The following RAB4A variants were observed in gnomAD, a reference collection of about 807,000 sequenced individuals.
RAB4A encodes RAB4A, member RAS oncogene family, also known as ras-related protein Rab-4A.
In RAB4A, 20 loss-of-function variants were observed where a neutral mutation model predicts 34.5. The observed-to-expected ratio is 0.58, with a 90% CI of 0.41 to 0.84. The LOEUF is 0.84. RAB4A is among the 40% of genes least tolerant of loss of function. The pLI, the probability that RAB4A is intolerant of heterozygous loss-of-function variation, is 0.00. For synonymous variants in RAB4A, 102 were observed against 100.0 expected, an observed-to-expected ratio of 1.02 and a Z score of -0.12; for missense variants, 228 against 274.5, an observed-to-expected ratio of 0.83 and a Z score of 1.20.
intron 6 of RAB4A, among the ~76,000 whole-genome samples, chr1:229,300,730 T>C (rs1276987049): frequency 2.0e-5 from 3 of 151,964 alleles, no homozygotes; most frequent in Non-Finnish European, 4.4e-5. Context: ...TCTAGTAAGC[T>C]TGGGGAAGAG....
rs1417315392 is a variant in RAB4A, at chr1:229,299,044, A to G, written c.513A>G (p.Ala171=). ...ENVEEAFVQC[A]RKILNKIESG... Reference sequence around the variant, plus strand: ...TAGAAGAGGCTTTTGTACAGTGTGCAAGAAAAATACTTAACAAAATCGAAT... The same window carrying G: ...TAGAAGAGGCTTTTGTACAGTGTGCGAGAAAAATACTTAACAAAATCGAAT... Residue 171 remains alanine, a synonymous_variant, in exon 6 of 8, where the codon GCA becomes GCG. Transcript: ENST00000366690. 3 of 1,606,742 alleles carry G rather than the reference A, an allele frequency of 1.9e-6. No homozygotes were observed.
chr1:229,303,060 A>T (rs1297778894), intron 7 of RAB4A, 71 bp downstream of exon 7: 47 of 1,122,422 alleles, frequency 4.2e-5, no homozygotes, highest in Non-Finnish European at 5.6e-5. Flanking sequence ...AAGCTTTGGG[A>T]AGCTGCAGTA....
chr1:229,276,864 C>T (rs1236419296), intron 1 of RAB4A, among the ~76,000 whole-genome samples: 1 of 150,880 alleles, frequency 6.6e-6, no homozygotes, highest in East Asian at 1.9e-4. Flanking sequence ...GCTTGCCACA[C>T]AGCATCTGCA....
chr1:229,271,295 G>A lies in RAB4A; in HGVS notation c.-45G>A, dbSNP rs1656462191. The A allele has an allele frequency of 1.5e-6, 2 of 1,332,426 alleles. No homozygotes were observed. The highest frequency in any genetic ancestry group is 1.9e-6 in the Non-Finnish European group (2 of 1,040,140). The allele number at this position is 1,332,426 out of a possible 1,614,324, so 82.5% of individuals were successfully genotyped here. On this transcript the variant is annotated 5_prime_UTR_variant, in exon 1 of 8. Transcript: ENST00000366690. ...ACCGAGACGCGCCGGCGGACCGCGGGCGAGTGCAGCCGGTGACCCGGCGAG... is the reference window on the plus strand; with the variant it reads ...ACCGAGACGCGCCGGCGGACCGCGGACGAGTGCAGCCGGTGACCCGGCGAG...
intron 1 of RAB4A, among the ~76,000 whole-genome samples, chr1:229,282,831 T>G (rs992862567): frequency 2.0e-5 from 3 of 152,218 alleles, no homozygotes; most frequent in African/African-American, 7.2e-5. Context: ...TTGCTGATGA[T>G]TTCTAATTTT....
intron 3 of RAB4A, among the ~76,000 whole-genome samples, chr1:229,290,855 T>C (rs1406492560): frequency 2.6e-5 from 4 of 152,194 alleles, no homozygotes; most frequent in African/African-American, 7.2e-5. Flanking sequence ...GCAATGACTA[T>C]TAGGAGTTCC....
intron 1 of RAB4A, among the ~76,000 whole-genome samples, chr1:229,280,872 C>G (rs1368805713): frequency 6.6e-6 from 1 of 152,200 alleles, no homozygotes; most frequent in African/African-American, 2.4e-5. Flanking sequence ...TAAATGGAAT[C>G]TTGCAGTTGC....
Position 229,288,722 on chromosome 1 carries a change from T to C in RAB4A, c.113-7T>C, listed in dbSNP as rs1438905339. ...TTAAATATGCTGTTCTTGTTTTTCTTTTTTAGTCAAAGATGACTCAAATCA... is the reference window on the plus strand; with the variant it reads ...TTAAATATGCTGTTCTTGTTTTTCTCTTTTAGTCAAAGATGACTCAAATCA... On this transcript the variant is annotated splice_polypyrimidine_tract_variant and splice_region_variant and intron_variant, in intron 2 of 7. Coordinates refer to ENST00000366690, the MANE Select transcript of RAB4A (RefSeq NM_004578.4). 3.5e-6 allele frequency: 5 copies of C among 1,420,798 alleles called. No individual in the cohort carries two copies. Among genetic ancestry groups the C allele is most frequent in the Non-Finnish European group, 4.9e-6 (5 of 1,020,510 alleles). The allele number at this position is 1,420,798 out of a possible 1,614,324, so 88.0% of individuals were successfully genotyped here. A position where few individuals can be genotyped will look rare whatever the true frequency, so the allele number is the denominator to read the frequency against.
intron 3 of RAB4A, among the ~76,000 whole-genome samples, chr1:229,292,583 G>A (rs1202818276): frequency 6.6e-6 from 1 of 152,136 alleles, no homozygotes; most frequent in African/African-American, 2.4e-5. Context: ...TGTGCCTCTT[G>A]CTAACAGTCT....
In RAB4A at chr1:229,304,640, G is replaced by A. The variant is rs1012145861; in HGVS notation, c.*847G>A. 2 of 152,238 alleles carry A rather than the reference G, an allele frequency of 1.3e-5. No homozygotes were observed. The highest frequency in any genetic ancestry group is 4.8e-5 in the African/African-American group (2 of 41,460). The allele number at this position is 152,238 out of a possible 1,614,324, so 9.4% of individuals were successfully genotyped here. On this transcript the variant is annotated 3_prime_UTR_variant, in exon 8 of 8. Coordinates refer to ENST00000366690, the MANE Select transcript of RAB4A (RefSeq NM_004578.4). ...TTCCAGTTTGCTGGTCTCCCTGCTA[G>A]AAAACACATTGTACTGTGCTTTTTC...
intron 3 of RAB4A, among the ~76,000 whole-genome samples, chr1:229,293,507 C>T (rs61222840): frequency 0.016 from 2,379 of 152,308 alleles, 63 homozygotes; most frequent in African/African-American, 0.053. Context: ...GGCCTCTGTG[C>T]CAGGAACCTG....
intron 1 of RAB4A, among the ~76,000 whole-genome samples, chr1:229,276,971 A>G (rs917763877): frequency 6.8e-6 from 1 of 147,834 alleles, no homozygotes; most frequent in Non-Finnish European, 1.5e-5. Flanking sequence ...TCCACTTTAG[A>G]AGAACTATAT....
chr1:229,290,754 A>G (rs1248860229), intron 3 of RAB4A, among the ~76,000 whole-genome samples: 1 of 152,230 alleles, frequency 6.6e-6, no homozygotes, highest in African/African-American at 2.4e-5. Context: ...GTCATACTTA[A>G]AAAGAGCAAT....
chr1:229,286,718 T>C, intron 2 of RAB4A, 152 bp downstream of exon 2: 1 of 546,248 alleles, frequency 1.8e-6, no homozygotes, highest in Non-Finnish European at 3.2e-6. Flanking sequence ...TTGGGTGATG[T>C]GATTTTTTAT....
chr1:229,285,404 A>G (rs916400002), intron 1 of RAB4A, among the ~76,000 whole-genome samples: 1 of 152,150 alleles, frequency 6.6e-6, no homozygotes, highest in African/African-American at 2.4e-5. Flanking sequence ...AATAGGCTTC[A>G]TCTCTCAGTG....
intron 3 of RAB4A, among the ~76,000 whole-genome samples, chr1:229,295,331 G>C (rs116453630): frequency 1.5e-4 from 23 of 152,280 alleles, no homozygotes; most frequent in Admixed American, 3.9e-4. Flanking sequence ...TGTGAGAGTG[G>C]ATATGACATA....
At position 229,286,580 on chromosome 1, in the gene RAB4A, A is replaced by C. The variant is rs915583761; in HGVS notation, c.112+14A>C. 6.7e-7 allele frequency: 1 copy of C among 1,498,850 alleles called. No homozygotes were observed. Among genetic ancestry groups the C allele is most frequent in the Non-Finnish European group, 9.1e-7 (1 of 1,098,012 alleles). The allele number at this position is 1,498,850 out of a possible 1,614,324, so 92.8% of individuals were successfully genotyped here. A position where few individuals can be genotyped will look rare whatever the true frequency, so the allele number is the denominator to read the frequency against. ...TTGAAAAAAAATGTAAGTGTCATGA[A>C]ATTAGTCATTCTTCCGTGCATGTCT... On this transcript the variant is annotated intron_variant, in intron 2 of 7. Transcript: ENST00000366690.
chr1:229,295,767 C>T, intron 3 of RAB4A, 81 bp from the exon 4 acceptor site: 3 of 1,329,996 alleles, frequency 2.3e-6, no homozygotes, highest in Non-Finnish European at 3.2e-6. Context: ...ACAAAGCAAG[C>T]ATGGGTGTTT....
At chr1:229,286,878 C>T (rs969727238) in intron 2 of RAB4A, among the ~76,000 whole-genome samples, 5 of 152,272 alleles carry the variant, frequency 3.3e-5, no homozygotes, top group South Asian at 2.1e-4. Context: ...GCCAGAGAAG[C>T]TCTAGGCATA....
Sources: allele counts gnomAD v4.1 joint callset (sites outside exome capture counted in the v4.1 genomes callset), GRCh38; gene constraint gnomAD v4.1.1; transcripts MANE v1.5; gene names NCBI Gene and HGNC (gene_info 2026-07-23, HGNC 2026-07-21).